The following STK39 variants were observed in gnomAD, a reference collection of about 807,000 sequenced individuals.
STK39 encodes the protein serine/threonine kinase 39.
Under a neutral mutation model 77.8 loss-of-function variants are expected in STK39, and 20 were observed. The observed-to-expected ratio is 0.26, with a 90% CI of 0.18 to 0.37. The LOEUF is 0.37. STK39 is among the 10% of genes least tolerant of loss of function. The probability of loss-of-function intolerance (pLI) is 1.00; values close to 1 mark genes in which losing one functional copy is unlikely to be tolerated. For synonymous variants in STK39, 246 were observed against 234.1 expected (o/e 1.05, Z -0.47); for missense variants, 479 against 656.5 (o/e 0.73, Z 2.95).
intron 16 of STK39, among the ~76,000 whole-genome samples, chr2:168,004,445 A>G (rs12995315): frequency 6.6e-6 from 1 of 152,146 alleles, no homozygotes; most frequent in Non-Finnish European, 1.5e-5. Flanking sequence ...AAATAAAGTG[A>G]CTATGGGCTG....
chr2:168,154,932 G>A (rs1574509294), intron 5 of STK39, among the ~76,000 whole-genome samples: 1 of 152,138 alleles, frequency 6.6e-6, no homozygotes. Flanking sequence ...GCAAAGGACC[G>A]AATTGCTCTG....
intron 1 of STK39, among the ~76,000 whole-genome samples, chr2:168,226,083 A>G (rs543235327): frequency 6.6e-6 from 1 of 152,336 alleles, no homozygotes; most frequent in South Asian, 2.1e-4. Context: ...AACATGACAG[A>G]GAAGACATGC....
chr2:168,125,412 A>G (rs1180571417), intron 10 of STK39, among the ~76,000 whole-genome samples: 2 of 152,192 alleles, frequency 1.3e-5, no homozygotes, highest in African/African-American at 2.4e-5. Flanking sequence ...GATGGCTACA[A>G]AGCCTTTTAT....
At chr2:167,957,805 T>C (rs3769426) in intron 17 of STK39, among the ~76,000 whole-genome samples, 22,750 of 152,266 alleles carry the variant, frequency 0.15, 2,146 homozygotes, top group East Asian at 0.38. Flanking sequence ...TTAAATCCTT[T>C]CTTGTGAAGA....
At chr2:168,049,968 A>G (rs915057164) in intron 14 of STK39, among the ~76,000 whole-genome samples, 2 of 152,216 alleles carry the variant, frequency 1.3e-5, no homozygotes, top group Non-Finnish European at 2.9e-5. Context: ...TACTTGAAAG[A>G]TTTCATAGGA....
At chr2:167,987,389 G>A (rs562457786) in intron 16 of STK39, among the ~76,000 whole-genome samples, 2 of 152,156 alleles carry the variant, frequency 1.3e-5, no homozygotes, top group South Asian at 4.2e-4. Flanking sequence ...ACCCCTCTTC[G>A]TAGAAACCTC....
chr2:168,019,088 T>TACTCCC (rs1280618973), intron 14 of STK39, among the ~76,000 whole-genome samples: 4 of 151,984 alleles, frequency 2.6e-5, no homozygotes. Context: ...CTTTTATCAC[T>TACTCCC]ACTCCCCTCA....
intron 10 of STK39, among the ~76,000 whole-genome samples, chr2:168,094,193 C>T (rs192859788): frequency 1.3e-5 from 2 of 152,308 alleles, no homozygotes; most frequent in Non-Finnish European, 2.9e-5. Flanking sequence ...CACTACCCTC[C>T]CAGTCATCCA....
intron 14 of STK39, among the ~76,000 whole-genome samples, chr2:168,042,577 C>CTTTTTTTTTT (rs540413448): frequency 2.3e-5 from 3 of 133,046 alleles, no homozygotes; most frequent in Non-Finnish European, 1.6e-5. Flanking sequence ...TTCCTTCCTT[C>CTTTTTTTTTT]TTTTTTTTTT....
intron 10 of STK39, among the ~76,000 whole-genome samples, chr2:168,114,884 TACAGTG>T (rs1221614514): frequency 6.6e-6 from 1 of 152,182 alleles, no homozygotes; most frequent in Non-Finnish European, 1.5e-5. Context: ...CAGAAGAGAT[TACAGTG>T]ACAGAGTAAT....
At chr2:168,232,492 T>C (rs912499160) in intron 1 of STK39, among the ~76,000 whole-genome samples, 1 of 152,202 alleles carries the variant, frequency 6.6e-6, no homozygotes, top group Non-Finnish European at 1.5e-5. Flanking sequence ...AAAACGAGCA[T>C]CCAACTGTAA....
rs139757776 is a variant in STK39, at chr2:168,245,059, G to C, written c.208+2169C>G. On this transcript the variant is annotated intron_variant, in intron 1 of 17. Coordinates refer to ENST00000355999, the MANE Select transcript of STK39 (RefSeq NM_013233.3). Reference sequence around the variant, plus strand: ...AATTGACCAAGTAGGTATATAAATTGATTATAACTTCTCCCAATCCTATGG... The same window carrying C: ...AATTGACCAAGTAGGTATATAAATTCATTATAACTTCTCCCAATCCTATGG... 2.0e-5 allele frequency among the ~76,000 whole-genome samples: 3 copies of C among 152,298 alleles called. No individual in the cohort carries two copies. In the East Asian group the frequency reaches 5.8e-4, roughly 29 times the overall value.
intron 16 of STK39, among the ~76,000 whole-genome samples, chr2:167,975,786 T>G (rs1025401074): frequency 6.6e-6 from 1 of 152,178 alleles, no homozygotes; most frequent in African/African-American, 2.4e-5. Context: ...TGGTGGCTGG[T>G]AACCATCAGT....
At position 168,016,131 on chromosome 2, in the gene STK39, T is replaced by C. The variant is rs1481106293; in HGVS notation, c.1429+912A>G. On this transcript the variant is annotated intron_variant, in intron 15 of 17. Coordinates refer to ENST00000355999, the MANE Select transcript of STK39 (RefSeq NM_013233.3). ...TTAGTAGATATGGGGTTTCACCATG[T>C]TGGCCAGGCTGATCTCACACTCCTA... 5.3e-5 allele frequency among the ~76,000 whole-genome samples: 8 copies of C among 152,272 alleles called. No individual in the cohort carries two copies. In the East Asian group the frequency reaches 1.5e-3, roughly 29 times the overall value.
At chr2:168,023,547 T>G (rs1684624744) in intron 14 of STK39, among the ~76,000 whole-genome samples, 1 of 152,088 alleles carries the variant, frequency 6.6e-6, no homozygotes, top group Non-Finnish European at 1.5e-5. Context: ...TCTGACAGAG[T>G]TATTGCTCCT....
intron 12 of STK39, among the ~76,000 whole-genome samples, chr2:168,073,721 C>A (rs1248522177): frequency 1.3e-5 from 2 of 152,114 alleles, no homozygotes; most frequent in Non-Finnish European, 2.9e-5. Context: ...CTCCACTTCC[C>A]GGGTTCGAGC....
chr2:168,054,900 G>GT (rs1189137239), intron 14 of STK39, among the ~76,000 whole-genome samples: 1 of 152,154 alleles, frequency 6.6e-6, no homozygotes, highest in East Asian at 1.9e-4. Flanking sequence ...TAGCTTCTTA[G>GT]TTTTATCTCT....
chr2:167,959,392 TG>T (rs1384459805), intron 17 of STK39, among the ~76,000 whole-genome samples: 1 of 152,068 alleles, frequency 6.6e-6, no homozygotes, highest in Non-Finnish European at 1.5e-5. Flanking sequence ...CCCAAAGTGC[TG>T]GGATTACTGG....
chr2:168,129,064 T>C (rs190139394), intron 10 of STK39, among the ~76,000 whole-genome samples: 1 of 152,344 alleles, frequency 6.6e-6, no homozygotes, highest in East Asian at 1.9e-4. Context: ...ATCATTACCA[T>C]AATTCAGTTA....
Sources: allele counts gnomAD v4.1 joint callset (sites outside exome capture counted in the v4.1 genomes callset), GRCh38; gene constraint gnomAD v4.1.1; transcripts MANE v1.5; gene names NCBI Gene and HGNC (gene_info 2026-07-23, HGNC 2026-07-21).